The following SMURF2 variants were observed in gnomAD, a reference collection of about 807,000 sequenced individuals.
SMURF2 encodes E3 ubiquitin-protein ligase SMURF2.
A neutral mutation model predicts 109.6 loss-of-function variants in SMURF2; 48 were observed. The ratio of observed to expected loss-of-function variants is 0.44; its 90% CI spans 0.35 to 0.56. SMURF2 has a LOEUF of 0.56. SMURF2 is among the 20% of genes least tolerant of loss of function. The pLI, the probability that SMURF2 is intolerant of heterozygous loss-of-function variation, is 0.01. For missense variants in SMURF2, 575 were observed against 909.0 expected (o/e 0.63, Z 4.72); for synonymous variants, 288 against 317.1 (o/e 0.91, Z 0.97).
intron 1 of SMURF2, among the ~76,000 whole-genome samples, chr17:64,660,213 T>C (rs1413191620): frequency 1.3e-5 from 2 of 152,204 alleles, no homozygotes; most frequent in Non-Finnish European, 2.9e-5. Context: ...TTTCTCTACA[T>C]AGCCCAGAGG....
intron 1 of SMURF2, among the ~76,000 whole-genome samples, chr17:64,634,019 T>C (rs1378957085): frequency 3.9e-5 from 6 of 152,060 alleles, no homozygotes; most frequent in Admixed American, 6.6e-5. Flanking sequence ...CCAGGTGTGG[T>C]GGTGCGCGCC....
chr17:64,650,168 T>C (rs1286082199), intron 1 of SMURF2, among the ~76,000 whole-genome samples: 1 of 151,854 alleles, frequency 6.6e-6, no homozygotes, highest in African/African-American at 2.4e-5. Context: ...TTCATGTACA[T>C]TATTCCATCA....
chr17:64,556,157 A>T (rs1374609306), intron 13 of SMURF2, among the ~76,000 whole-genome samples, 159 bp from the exon 14 acceptor site: 5 of 152,118 alleles, frequency 3.3e-5, no homozygotes, highest in Admixed American at 6.5e-5. Flanking sequence ...CATGCTCCAG[A>T]GTCTCTAGAT....
chr17:64,639,531 C>T (rs1399369022), intron 1 of SMURF2, among the ~76,000 whole-genome samples: 5 of 151,878 alleles, frequency 3.3e-5, no homozygotes, highest in Admixed American at 2.6e-4. Flanking sequence ...AAATTGAGAT[C>T]GCACCACTGC....
intron 1 of SMURF2, among the ~76,000 whole-genome samples, chr17:64,615,670 A>G (rs1970110830): frequency 1.3e-5 from 2 of 152,232 alleles, no homozygotes; most frequent in South Asian, 2.1e-4. Flanking sequence ...ACAGATTCAC[A>G]TTCAAGGTGT....
chr17:64,564,147 T>C (rs1390301548), intron 10 of SMURF2, among the ~76,000 whole-genome samples: 9 of 152,316 alleles, frequency 5.9e-5, no homozygotes, highest in African/African-American at 1.9e-4. Flanking sequence ...AATGAGGGCA[T>C]ATACATACAA....
chr17:64,554,555 G>C (rs1969092603), intron 15 of SMURF2, among the ~76,000 whole-genome samples: 1 of 152,156 alleles, frequency 6.6e-6, no homozygotes, highest in Non-Finnish European at 1.5e-5. Flanking sequence ...CAACAGCCAT[G>C]CCAGCTAGCC....
intron 1 of SMURF2, among the ~76,000 whole-genome samples, chr17:64,626,116 A>G (rs553989910): frequency 6.6e-6 from 1 of 151,934 alleles, no homozygotes. Flanking sequence ...AAAATGAGCA[A>G]GACATGGTGG....
intron 15 of SMURF2, among the ~76,000 whole-genome samples, chr17:64,553,698 T>C (rs1465171652): frequency 6.6e-6 from 1 of 152,188 alleles, no homozygotes; most frequent in African/African-American, 2.4e-5. Flanking sequence ...TTTTCACAAG[T>C]AGCATTTAAT....
chr17:64,582,592 ATTTT>A (rs1969592624), intron 7 of SMURF2, among the ~76,000 whole-genome samples: 1 of 151,970 alleles, frequency 6.6e-6, no homozygotes, highest in African/African-American at 2.4e-5. Context: ...TTTTTATTTT[ATTTT>A]ATTTTATTTG....
intron 1 of SMURF2, among the ~76,000 whole-genome samples, chr17:64,611,829 G>T (rs1970048679): frequency 6.6e-6 from 1 of 151,998 alleles, no homozygotes; most frequent in Non-Finnish European, 1.5e-5. Context: ...ACTTATATTG[G>T]CTTCAATGCC....
At chr17:64,655,993 C>T (rs1970700467) in intron 1 of SMURF2, among the ~76,000 whole-genome samples, 2 of 152,034 alleles carry the variant, frequency 1.3e-5, no homozygotes, top group South Asian at 4.1e-4. Flanking sequence ...GACTCTATAA[C>T]TAATATAACT....
rs552384300 is a variant in SMURF2, at chr17:64,639,044, A to T, written c.52+22785T>A. On this transcript the variant is annotated intron_variant, in intron 1 of 18. Transcript: ENST00000262435. ...CGGCAATTTTAGCTGACTGTGGTTTAGATAACTTACATTTGCAAATTCTTC... is the reference window on the plus strand; with the variant it reads ...CGGCAATTTTAGCTGACTGTGGTTTTGATAACTTACATTTGCAAATTCTTC... 3.3e-5 allele frequency among the ~76,000 whole-genome samples: 5 copies of T among 152,336 alleles called. No individual in the cohort carries two copies. The South Asian group carries it at 6.2e-4, about 19-fold the overall frequency.
chr17:64,592,357 G>A (rs782233437), intron 4 of SMURF2, among the ~76,000 whole-genome samples: 1 of 152,136 alleles, frequency 6.6e-6, no homozygotes, highest in Non-Finnish European at 1.5e-5. Context: ...TCCAATCCCA[G>A]TGTCTTTTCT....
At chr17:64,633,516 C>T (rs1970375408) in intron 1 of SMURF2, among the ~76,000 whole-genome samples, 1 of 152,204 alleles carries the variant, frequency 6.6e-6, no homozygotes, top group Non-Finnish European at 1.5e-5. Flanking sequence ...AATCCCTTTA[C>T]CATATATTTA....
chr17:64,627,688 CT>C (rs1970286285), intron 1 of SMURF2, among the ~76,000 whole-genome samples: 3 of 152,270 alleles, frequency 2.0e-5, no homozygotes, highest in African/African-American at 7.2e-5. Context: ...ATAATCCTAA[CT>C]CAGGTATATC....
intron 1 of SMURF2, among the ~76,000 whole-genome samples, chr17:64,610,317 T>C (rs1445902301): frequency 1.3e-5 from 2 of 152,198 alleles, no homozygotes; most frequent in Non-Finnish European, 2.9e-5. Context: ...TGTATGTTTA[T>C]TGTGGCACTA....
chr17:64,605,974 G>A (rs1325748012), intron 2 of SMURF2, among the ~76,000 whole-genome samples: 2 of 148,452 alleles, frequency 1.3e-5, no homozygotes, highest in African/African-American at 5.0e-5. Flanking sequence ...ATAACTTAAA[G>A]CTACAACAGA....
chr17:64,610,215 T>C (rs140633409), intron 1 of SMURF2, among the ~76,000 whole-genome samples: 4,696 of 152,252 alleles, frequency 0.031, 238 homozygotes, highest in African/African-American at 0.11. Flanking sequence ...CTCAAGGATC[T>C]AGAACCAGAA....
Sources: allele counts gnomAD v4.1 joint callset (sites outside exome capture counted in the v4.1 genomes callset), GRCh38; gene constraint gnomAD v4.1.1; transcripts MANE v1.5; gene names NCBI Gene and HGNC (gene_info 2026-07-23, HGNC 2026-07-21).